GPBP1L1: variants seen among roughly 807,000 people sequenced by gnomAD.
GPBP1L1 encodes vasculin-like protein 1.
In GPBP1L1, 23 loss-of-function variants were observed where a neutral mutation model predicts 52.5. The ratio of observed to expected loss-of-function variants is 0.44; its 90% CI spans 0.32 to 0.62. GPBP1L1 has a LOEUF of 0.62. Ranked by LOEUF, GPBP1L1 falls within the 20% of genes least tolerant of loss-of-function variation. The pLI is 0.06. For synonymous variants in GPBP1L1, 243 were observed against 203.1 expected, an observed-to-expected ratio of 1.20 and a Z score of -1.67; for missense variants, 596 against 579.3, an observed-to-expected ratio of 1.03 and a Z score of -0.30.
intron 2 of GPBP1L1, among the ~76,000 whole-genome samples, chr1:45,684,755 CTATTAAAAACTTTAAA>C: frequency 6.6e-6 from 1 of 152,140 alleles, no homozygotes; most frequent in African/African-American, 2.4e-5. Context: ...CTTGTAATTT[CTATTAAAAACTTTAAA>C]TATTTTTCCT....
At chr1:45,670,544 C>G (rs1645061640) in intron 2 of GPBP1L1, among the ~76,000 whole-genome samples, 1 of 138,158 alleles carries the variant, frequency 7.2e-6, no homozygotes, top group Admixed American at 7.4e-5. Context: ...CCTATATTGA[C>G]TTCTTAGTTT....
In GPBP1L1 at chr1:45,628,267, C is replaced by T; in HGVS notation, c.1414G>A (p.Ala472Thr). 6.2e-7 allele frequency: 1 copy of T among 1,613,998 alleles called. No homozygotes were observed. The highest frequency in any genetic ancestry group is 8.5e-7 in the Non-Finnish European group (1 of 1,179,982). ...TSSSETSDDD[A>T]WK ...GAGCATTTATATGCCTACTTCCAGG[C>T]ATCGTCATCTGATGTTTCACTGCTA... The change falls in exon 13 of 13, where the codon GCC (alanine) becomes ACC (threonine). Residue 472 changes from alanine to threonine, a missense_variant. Coordinates refer to ENST00000355105, the MANE Select transcript of GPBP1L1 (RefSeq NM_021639.5).
chr1:45,649,489 A>G (rs1440534377), intron 6 of GPBP1L1, among the ~76,000 whole-genome samples: 1 of 151,408 alleles, frequency 6.6e-6, no homozygotes, highest in Non-Finnish European at 1.5e-5. Flanking sequence ...ATTTTTGAAG[A>G]CTACAGGCCA....
chr1:45,642,354 A>C, intron 7 of GPBP1L1, 73 bp downstream of exon 7: 1 of 925,784 alleles, frequency 1.1e-6, no homozygotes, highest in Non-Finnish European at 1.8e-6. Context: ...AAAAGAGATA[A>C]GGAATCTTTG....
At chr1:45,641,603 G>C (rs775418723) in intron 7 of GPBP1L1, 1 of 152,128 alleles carries the variant, frequency 6.6e-6, no homozygotes, top group East Asian at 1.9e-4. Flanking sequence ...CGGATGATGA[G>C]GTCAAGAGAT....
At position 45,630,571 on chromosome 1, in the gene GPBP1L1, A is replaced by G. The variant is rs1279677545; in HGVS notation, c.1080T>C (p.Asn360=). 1 of 1,613,980 alleles carries G rather than the reference A, an allele frequency of 6.2e-7. No homozygotes were observed. Among genetic ancestry groups the G allele is most frequent in the Admixed American group, 1.7e-5 (1 of 60,004 alleles). ...CATTTTGATGACAGCCTTCCTCCCC[A>G]TTTTCCTTTGGTTCAGGTGTGCTGT... ...EDNSTPEPKE[N]GEEGCHQNGL... Residue 360 remains asparagine, a synonymous_variant, in exon 11 of 13, where the codon AAT becomes AAC. Coordinates refer to ENST00000355105, the MANE Select transcript of GPBP1L1 (RefSeq NM_021639.5).
intron 2 of GPBP1L1, among the ~76,000 whole-genome samples, chr1:45,669,001 A>G (rs1645042975): frequency 6.6e-6 from 1 of 152,184 alleles, no homozygotes; most frequent in Non-Finnish European, 1.5e-5. Context: ...TAATTTCAAT[A>G]CATTCTCCAT....
At chr1:45,665,947 T>C (rs1442529822) in intron 2 of GPBP1L1, among the ~76,000 whole-genome samples, 1 of 151,976 alleles carries the variant, frequency 6.6e-6, no homozygotes, top group Non-Finnish European at 1.5e-5. Flanking sequence ...ACTTAGGTTG[T>C]AATTATATCA....
At chr1:45,633,835 T>TAA in intron 9 of GPBP1L1, 188 bp from the exon 10 acceptor site, 1 of 673,284 alleles carries the variant, frequency 1.5e-6, no homozygotes, top group Non-Finnish European at 2.4e-6. Flanking sequence ...GCAGCTGGCT[T>TAA]ACATGGCACC....
chr1:45,651,154 T>C (rs1484988770), intron 6 of GPBP1L1: 1 of 495,114 alleles, frequency 2.0e-6, no homozygotes, highest in Non-Finnish European at 4.0e-6. Context: ...GTCATTGTAA[T>C]TGATCCTGAT....
chr1:45,633,442 C>T, intron 10 of GPBP1L1, 47 bp downstream of exon 10: 1 of 1,596,126 alleles, frequency 6.3e-7, no homozygotes, highest in Non-Finnish European at 8.6e-7. Context: ...ACGTATGTAT[C>T]AAAGGAAAAT....
intron 2 of GPBP1L1, among the ~76,000 whole-genome samples, chr1:45,684,380 G>A (rs563901006): frequency 6.6e-5 from 10 of 151,476 alleles, no homozygotes; most frequent in South Asian, 2.1e-4. Flanking sequence ...ATAAAATAAA[G>A]ATATGCAATC....
In GPBP1L1 at chr1:45,635,985, T is replaced by C. The variant is rs539525727; in HGVS notation, c.745-1749A>G. 5.3e-5 allele frequency among the ~76,000 whole-genome samples: 8 copies of C among 152,320 alleles called. No homozygotes were observed. In the South Asian group the frequency reaches 1.7e-3, roughly 32 times the overall value. On this transcript the variant is annotated intron_variant, in intron 8 of 12. Transcript: ENST00000355105. ...TCCCTCAATCTTATATACCACCTTC[T>C]TATTGCCAAACTTCTGAGTAAGTCA...
intron 2 of GPBP1L1, among the ~76,000 whole-genome samples, chr1:45,667,843 G>A (rs530171991): frequency 6.6e-6 from 1 of 152,124 alleles, no homozygotes; most frequent in Admixed American, 6.5e-5. Context: ...CACCTCCTGG[G>A]TTCAAACAAT....
chr1:45,682,753 A>C (rs1472096308), intron 2 of GPBP1L1, among the ~76,000 whole-genome samples: 2 of 152,226 alleles, frequency 1.3e-5, no homozygotes, highest in Non-Finnish European at 2.9e-5. Flanking sequence ...TCACCTATAA[A>C]AATTCAATTT....
At chr1:45,687,124 G>A (rs116955641), upstream of GPBP1L1, 3 of 152,378 alleles carry the variant, frequency 2.0e-5, no homozygotes, top group East Asian at 3.9e-4. Context: ...CCTGGCCCCG[G>A]AGGCTGCGCG....
intron 1 of GPBP1L1, among the ~76,000 whole-genome samples, 156 bp from the exon 2 acceptor site, chr1:45,685,776 G>A (rs1645273524): frequency 6.6e-6 from 1 of 152,158 alleles, no homozygotes. Context: ...AATTTCACGG[G>A]TTGGGGAGAA....
In GPBP1L1 at chr1:45,654,647, G is replaced by A. The variant is rs764564536; in HGVS notation, c.373C>T (p.His125Tyr). 2 of 1,614,168 alleles carry A rather than the reference G, an allele frequency of 1.2e-6. No individual in the cohort carries two copies. Among genetic ancestry groups the A allele is most frequent in the Non-Finnish European group, 1.7e-6 (2 of 1,180,020 alleles). Residue 125 changes from histidine to tyrosine, a missense_variant, in exon 6 of 13, where the codon CAC (histidine) becomes TAC (tyrosine). Physicochemically the swap from His to Tyr is moderately conservative, Grantham distance 83 (BLOSUM62 2). Transcript: ENST00000355105. ...TGAAAAGCACACCCTTTCCGGGAGT[G>A]GAAGCTGCCATTCCAATGGCGATGG... ...GNHRHWNGSFHSRKGCAFQEK... is the reference protein window; with the variant it reads ...GNHRHWNGSFYSRKGCAFQEK...
At position 45,629,577 on chromosome 1, in the gene GPBP1L1, T is replaced by A; in HGVS notation, c.1271A>T (p.Gln424Leu). 1 of 1,581,476 alleles carries A rather than the reference T, an allele frequency of 6.3e-7. No individual in the cohort carries two copies. The highest frequency in any genetic ancestry group is 8.7e-7 in the Non-Finnish European group (1 of 1,152,790). Residue 424 changes from glutamine to leucine, a missense_variant and splice_region_variant, in exon 12 of 13, where the codon CAG (glutamine) becomes CTG (leucine). Coordinates refer to ENST00000355105, the MANE Select transcript of GPBP1L1 (RefSeq NM_021639.5). ...ELKEFHMKTE[Q>L]LRRNGFGKNG... ...CTAGGAAGAAGGTTTACAACATACC[T>A]GCTCTGTCTTCATGTGGAACTCTTT... is the stretch of plus-strand genomic sequence containing the variant.
Sources: gnomAD v4.1 joint callset for allele counts (sites outside exome capture counted in the v4.1 genomes callset) on GRCh38, gnomAD v4.1.1 for gene constraint, MANE v1.5 for transcripts, NCBI Gene and HGNC (gene_info 2026-07-23, HGNC 2026-07-21) for gene names.